CAPS2: variants seen among roughly 807,000 people sequenced by gnomAD.
CAPS2 encodes calcyphosine 2, also known as calcyphosin-2.
A neutral mutation model predicts 86.5 loss-of-function variants in CAPS2; 98 were observed. That is an observed-to-expected ratio of 1.13 (90% confidence interval 0.96 to 1.34). The LOEUF (loss-of-function observed/expected upper bound fraction) is 1.34. Among genes scored for constraint, CAPS2 ranks in the 40% most tolerant of loss-of-function variants. CAPS2 has a pLI of 0.00. For missense variants in CAPS2, 729 were observed against 686.8 expected (o/e 1.06, Z -0.69); for synonymous variants, 210 against 225.1 (o/e 0.93, Z 0.60).
intron 1 of CAPS2, among the ~76,000 whole-genome samples, chr12:75,337,379 A>C (rs1163375037): frequency 6.6e-6 from 1 of 151,980 alleles, no homozygotes; most frequent in South Asian, 2.1e-4. Context: ...AGAAAGACAC[A>C]ACTCAAAAAT....
intron 12 of CAPS2, among the ~76,000 whole-genome samples, chr12:75,292,527 CAG>C (rs1002062104): frequency 6.7e-6 from 1 of 149,248 alleles, no homozygotes; most frequent in African/African-American, 2.4e-5. Context: ...TGAAGAAACA[CAG>C]ACTTCCTTAC....
intron 1 of CAPS2, among the ~76,000 whole-genome samples, chr12:75,348,383 G>C (rs1344637962): frequency 2.0e-5 from 3 of 152,172 alleles, no homozygotes; most frequent in Non-Finnish European, 4.4e-5. Flanking sequence ...GTACTAGAGA[G>C]AGGCAGAAAT....
intron 7 of CAPS2, among the ~76,000 whole-genome samples, chr12:75,311,648 A>C (rs542711430): frequency 7.1e-6 from 1 of 140,324 alleles, no homozygotes; most frequent in East Asian, 2.4e-4. Flanking sequence ...GATTCTGAGA[A>C]GGGGAGAAAG....
At chr12:75,369,792 A>G in intron 1 of CAPS2, 1 of 983,058 alleles carries the variant, frequency 1.0e-6, no homozygotes, top group Non-Finnish European at 1.2e-6. Context: ...GAAGCATCGT[A>G]AAGAGTTTTA....
intron 1 of CAPS2, among the ~76,000 whole-genome samples, chr12:75,376,911 G>A (rs746436701): frequency 2.6e-5 from 4 of 152,022 alleles, no homozygotes; most frequent in Admixed American, 6.5e-5. Context: ...ATGGGCTTCT[G>A]GAGCTGGGAA....
exon 15 of CAPS2, chr12:75,284,973 T>A (rs368171441): frequency 3.1e-6 from 5 of 1,602,628 alleles, no homozygotes; most frequent in Non-Finnish European, 4.3e-6. Context: ...TTCGAACATA[T>A]GATTTCCTGT....
chr12:75,350,432 C>T (rs1403787078), intron 1 of CAPS2, among the ~76,000 whole-genome samples: 1 of 152,190 alleles, frequency 6.6e-6, no homozygotes, highest in Non-Finnish European at 1.5e-5. Flanking sequence ...GCACTGCATA[C>T]AGGAGCATTC....
At chr12:75,300,989 G>A (rs149782379) in intron 8 of CAPS2, among the ~76,000 whole-genome samples, 54 of 152,208 alleles carry the variant, frequency 3.5e-4, no homozygotes, top group Admixed American at 1.2e-3. Context: ...AATGAAGTTC[G>A]AACTTTGTCA....
exon 6 of CAPS2, chr12:75,316,352 T>C: frequency 6.4e-7 from 1 of 1,550,968 alleles, no homozygotes; most frequent in Non-Finnish European, 8.7e-7. Context: ...ATCGCAAGAG[T>C]TGTCTGCATA....
upstream of CAPS2, chr12:75,329,908 G>A (rs2139144676): frequency 6.6e-7 from 1 of 1,525,494 alleles, no homozygotes; most frequent in Non-Finnish European, 8.9e-7. Context: ...GGGCACAAGA[G>A]ACAGTCAGCC....
At chr12:75,339,626 A>T (rs1229582954) in intron 1 of CAPS2, among the ~76,000 whole-genome samples, 2 of 152,000 alleles carry the variant, frequency 1.3e-5, no homozygotes, top group Non-Finnish European at 2.9e-5. Flanking sequence ...TTTTGTTGCA[A>T]TTGCTTTTGA....
chr12:75,287,101 TA>T (rs1422037603), intron 14 of CAPS2, among the ~76,000 whole-genome samples: 1 of 150,082 alleles, frequency 6.7e-6, no homozygotes, highest in Non-Finnish European at 1.5e-5. Flanking sequence ...TATATATACA[TA>T]TATATATATT....
intron 1 of CAPS2, among the ~76,000 whole-genome samples, chr12:75,351,713 A>T (rs1205446106): frequency 6.6e-6 from 1 of 151,964 alleles, no homozygotes; most frequent in East Asian, 1.9e-4. Context: ...CACCCAGCTA[A>T]TTTTTGTATT....
At chr12:75,385,012 T>A (rs1435051704) in intron 1 of CAPS2, among the ~76,000 whole-genome samples, 1 of 152,172 alleles carries the variant, frequency 6.6e-6, no homozygotes, top group Admixed American at 6.5e-5. Context: ...GATTAATGGG[T>A]TATCACAGGA....
chr12:75,387,453 G>T (rs964755678), intron 1 of CAPS2, among the ~76,000 whole-genome samples: 5 of 152,154 alleles, frequency 3.3e-5, no homozygotes, highest in Non-Finnish European at 7.3e-5. Context: ...ATTCACTGCT[G>T]GTGGGAATGC....
intron 1 of CAPS2, chr12:75,360,886 T>C (rs562428928): frequency 3.9e-5 from 6 of 152,264 alleles, no homozygotes; most frequent in East Asian, 1.9e-4. Context: ...GAAATCTAGG[T>C]GGAGGTTTCC....
At chr12:75,377,263 C>G (rs1487355756) in intron 1 of CAPS2, among the ~76,000 whole-genome samples, 1 of 152,168 alleles carries the variant, frequency 6.6e-6, no homozygotes, top group African/African-American at 2.4e-5. Context: ...CCTCTAAAAC[C>G]ACTCCTGGTA....
At chr12:75,376,431 C>A (rs1487580253) in intron 1 of CAPS2, among the ~76,000 whole-genome samples, 1 of 152,154 alleles carries the variant, frequency 6.6e-6, no homozygotes, top group Non-Finnish European at 1.5e-5. Context: ...AACCTTACCT[C>A]TAGGGGCCTG....
chr12:75,307,894 G>C (rs1301761366), intron 7 of CAPS2, among the ~76,000 whole-genome samples: 1 of 152,026 alleles, frequency 6.6e-6, no homozygotes, highest in Admixed American at 6.6e-5. Flanking sequence ...AGAAGAATAG[G>C]GTCTGGAGGC....
Sources: allele counts gnomAD v4.1 joint callset (sites outside exome capture counted in the v4.1 genomes callset), GRCh38; gene constraint gnomAD v4.1.1; transcripts MANE v1.5; gene names NCBI Gene and HGNC (gene_info 2026-07-23, HGNC 2026-07-21).